IL1RAPL1: variants seen among roughly 807,000 people sequenced by gnomAD.
IL1RAPL1 encodes interleukin 1 receptor accessory protein like 1, also known as interleukin-1 receptor accessory protein-like 1.
Under a neutral mutation model 48.4 loss-of-function variants are expected in IL1RAPL1, and 3 were observed. That is an observed-to-expected ratio of 0.06 (90% CI 0.03 to 0.16). The LOEUF is 0.16. Among genes scored for constraint, IL1RAPL1 ranks in the 10% least tolerant of loss-of-function variants. The pLI is 1.00. For synonymous variants in IL1RAPL1, 185 were observed against 187.7 expected, an observed-to-expected ratio of 0.99 and a Z score of 0.12; for missense variants, 349 against 530.6, an observed-to-expected ratio of 0.66 and a Z score of 3.36.
At chrX:28,874,060 T>TA (rs1260529480) in intron 2 of IL1RAPL1, among the ~76,000 whole-genome samples, 3 of 109,741 alleles carry the variant, frequency 2.7e-5, no homozygotes, top group South Asian at 3.9e-4. Context: ...GAAATCCCAA[T>TA]ATCTGAACAT....
At chrX:28,736,409 G>A (rs1397687625) in intron 1 of IL1RAPL1, among the ~76,000 whole-genome samples, 1 of 96,443 alleles carries the variant, frequency 1.0e-5, no homozygotes, top group Non-Finnish European at 2.1e-5. Context: ...ATTCCAGACC[G>A]GGCAATAGTG....
intron 2 of IL1RAPL1, among the ~76,000 whole-genome samples, chrX:29,074,183 G>A (rs1160782782): frequency 9.0e-6 from 1 of 111,679 alleles, no homozygotes; most frequent in Non-Finnish European, 1.9e-5. Flanking sequence ...GCTAAATAAT[G>A]AATTGAACAC....
chrX:28,836,475 T>A (rs1306227894), intron 2 of IL1RAPL1, among the ~76,000 whole-genome samples: 1 of 107,015 alleles, frequency 9.3e-6, no homozygotes, highest in Non-Finnish European at 1.9e-5. Context: ...AATTACAGGG[T>A]GTTAACTCAC....
chrX:29,123,253 C>T (rs780020936), intron 2 of IL1RAPL1, among the ~76,000 whole-genome samples: 6 of 110,228 alleles, frequency 5.4e-5, no homozygotes, highest in African/African-American at 2.0e-4. Flanking sequence ...TGGTCTCGAA[C>T]TCCTGACCTC....
At chrX:29,496,356 C>T (rs1439354926) in intron 5 of IL1RAPL1, among the ~76,000 whole-genome samples, 1 of 110,180 alleles carries the variant, frequency 9.1e-6, no homozygotes, top group Non-Finnish European at 1.9e-5. Flanking sequence ...GTGTTTGGAT[C>T]GTGGAGACAG....
chrX:28,750,039 G>A (rs147530089), intron 1 of IL1RAPL1, among the ~76,000 whole-genome samples: 1,502 of 107,549 alleles, frequency 0.014, 25 homozygotes, highest in African/African-American at 0.049. Context: ...TGCAACCTCC[G>A]TCTCCCAGGT....
chrX:29,333,718 C>CCA (rs1252515017), intron 3 of IL1RAPL1, among the ~76,000 whole-genome samples: 1 of 86,184 alleles, frequency 1.2e-5, no homozygotes. Context: ...GCTGACCCCC[C>CCA]CACCTCCCTC....
chrX:29,011,456 A>C (rs898013146), intron 2 of IL1RAPL1, among the ~76,000 whole-genome samples: 2 of 112,551 alleles, frequency 1.8e-5, no homozygotes, highest in Admixed American at 1.9e-4. Context: ...AAAGGAATTA[A>C]CTATTGTTAG....
At chrX:29,752,076 G>GTATATATA (rs200322927) in intron 6 of IL1RAPL1, among the ~76,000 whole-genome samples, 1 of 89,462 alleles carries the variant, frequency 1.1e-5, no homozygotes, top group East Asian at 3.4e-4. Context: ...ATATATGTGT[G>GTATATATA]TATGTATATA....
rs373283027 is a variant in IL1RAPL1, at chrX:29,534,125, A to G, written c.704-134305A>G. Among the ~76,000 whole-genome samples the G allele has an allele frequency of 2.1e-4, 23 of 111,931 alleles. No homozygotes were observed. The East Asian group carries it at 3.6e-3, about 18-fold the overall frequency. Reference sequence around the variant, plus strand: ...CAGCCTTCAGAAATTGAGCCAAATAAACTTATTTTCTCTGTAAATTACAGA... The same window carrying G: ...CAGCCTTCAGAAATTGAGCCAAATAGACTTATTTTCTCTGTAAATTACAGA... On this transcript the variant is annotated intron_variant, in intron 5 of 10. Transcript: ENST00000378993.
chrX:29,133,362 C>T (rs1929061495), intron 2 of IL1RAPL1, among the ~76,000 whole-genome samples: 1 of 112,253 alleles, frequency 8.9e-6, no homozygotes, highest in African/African-American at 3.2e-5. Context: ...TGCTTTCTTG[C>T]TCCAGATCAC....
At chrX:29,914,227 G>A (rs1314182032) in intron 6 of IL1RAPL1, among the ~76,000 whole-genome samples, 1 of 111,833 alleles carries the variant, frequency 8.9e-6, no homozygotes, top group Non-Finnish European at 1.9e-5. Context: ...CATTTTTTAG[G>A]TGTGGCAGCA....
intron 2 of IL1RAPL1, among the ~76,000 whole-genome samples, chrX:29,222,814 A>AT (rs1306853059): frequency 9.0e-6 from 1 of 111,571 alleles, no homozygotes; most frequent in African/African-American, 3.3e-5. Context: ...CAGGGCTGGC[A>AT]TCTTTTAAAG....
At chrX:29,637,279 AAC>A (rs1364164883) in intron 5 of IL1RAPL1, among the ~76,000 whole-genome samples, 1 of 90,141 alleles carries the variant, frequency 1.1e-5, no homozygotes, top group African/African-American at 4.1e-5. Context: ...TTATATATAT[AAC>A]ATATATATAT....
intron 5 of IL1RAPL1, among the ~76,000 whole-genome samples, chrX:29,485,115 A>G (rs1357874665): frequency 8.9e-6 from 1 of 112,396 alleles, no homozygotes; most frequent in Admixed American, 9.4e-5. Context: ...AGTTCAAATA[A>G]TGATTTCTGA....
At chrX:28,750,404 A>G (rs1936028425) in intron 1 of IL1RAPL1, among the ~76,000 whole-genome samples, 1 of 111,784 alleles carries the variant, frequency 8.9e-6, no homozygotes, top group African/African-American at 3.2e-5. Flanking sequence ...AAATGACTGA[A>G]TTAGTCACTC....
chrX:29,035,174 C>T, intron 2 of IL1RAPL1, among the ~76,000 whole-genome samples: 1 of 111,415 alleles, frequency 9.0e-6, no homozygotes, highest in Non-Finnish European at 1.9e-5. Context: ...AGGTCGATCT[C>T]CTGACCTTGT....
At chrX:29,221,754 C>T (rs1413675141) in intron 2 of IL1RAPL1, among the ~76,000 whole-genome samples, 2 of 109,947 alleles carry the variant, frequency 1.8e-5, no homozygotes, top group Non-Finnish European at 3.8e-5. Context: ...GGCTCACGCC[C>T]GTAATGCCAG....
At chrX:29,691,643 A>G (rs1926772451) in intron 6 of IL1RAPL1, among the ~76,000 whole-genome samples, 1 of 110,217 alleles carries the variant, frequency 9.1e-6, no homozygotes, top group African/African-American at 3.3e-5. Flanking sequence ...TGATCATTTG[A>G]ATTCAATACA....
Sources: gnomAD v4.1 joint callset for allele counts (sites outside exome capture counted in the v4.1 genomes callset) on GRCh38, gnomAD v4.1.1 for gene constraint, MANE v1.5 for transcripts, NCBI Gene and HGNC (gene_info 2026-07-23, HGNC 2026-07-21) for gene names.